FRAS1: variants seen among roughly 807,000 people sequenced by gnomAD.
FRAS1 encodes extracellular matrix organizing protein FRAS1.
In FRAS1, 290 loss-of-function variants were observed where a neutral mutation model predicts 435.2. That is an observed-to-expected ratio of 0.67 (90% confidence interval 0.61 to 0.73). The LOEUF (loss-of-function observed/expected upper bound fraction) is 0.73, where lower values mean the gene tolerates loss of function less well. Ranked by LOEUF, FRAS1 falls within the 30% of genes least tolerant of loss-of-function variation. FRAS1 has a pLI of 0.00. For missense variants in FRAS1, 4,860 were observed against 5,001.5 expected (o/e 0.97, Z 0.85); for synonymous variants, 1,800 against 1,851.0 (o/e 0.97, Z 0.71).
chr4:78,270,491 G>T (rs1726610696), intron 9 of FRAS1, among the ~76,000 whole-genome samples: 1 of 151,998 alleles, frequency 6.6e-6, no homozygotes, highest in Admixed American at 6.6e-5. Context: ...TTTGCTATAA[G>T]CTTTAATTTC....
rs373573150 is a variant in FRAS1 at position 78,445,527 on chromosome 4, C to T, written c.5671C>T (p.Arg1891Cys). 171 of 1,561,768 alleles carry T rather than the reference C, an allele frequency of 1.1e-4. 1 individual carries two copies. The highest frequency in any genetic ancestry group is 1.4e-4 in the South Asian group (11 of 80,584). Residue 1891 changes from arginine (R) to cysteine (C), a missense_variant, in exon 42 of 74, where the codon CGT becomes TGT. Physicochemically the swap from Arg to Cys is radical, Grantham distance 180. Transcript: ENST00000512123. ...CTCTCTTGATGTTGATGCAGGTGAT[C>T]GTTTTGGCCCTGAAACTGCCAGTGA... The part of the protein sequence containing the change: ...GCIENTGTGD[R>C]FGPETASDLE...
intron 14 of FRAS1, among the ~76,000 whole-genome samples, chr4:78,304,085 A>G (rs1728570665): frequency 6.6e-6 from 1 of 150,476 alleles, no homozygotes; most frequent in Admixed American, 6.6e-5. Context: ...AATTTTGTCA[A>G]AGGCCTTTTC....
rs1421127537 is a variant in FRAS1 at position 78,478,047 on chromosome 4, C to A, written c.8084C>A (p.Pro2695His). 2 of 1,566,858 alleles carry A rather than the reference C, an allele frequency of 1.3e-6. No homozygotes were observed. The highest frequency in any genetic ancestry group is 1.4e-5 in the African/African-American group (1 of 73,960). ...GAGAGCGCTGGTTTTCTGTTTGCACCTATTGAAAGAAAAGGTCTGTTGGTT... is the reference window on the plus strand; with the variant it reads ...GAGAGCGCTGGTTTTCTGTTTGCACATATTGAAAGAAAAGGTCTGTTGGTT... ...VNESAGFLFA[P>H]IERKGDASSI... is the part of the protein sequence containing the mutation. Residue 2695 changes from proline to histidine, a missense_variant, in exon 55 of 74, where the codon CCT becomes CAT. By Grantham distance (77) the Pro-to-His change is moderately conservative. Coordinates refer to ENST00000512123, the MANE Select transcript of FRAS1 (RefSeq NM_025074.7).
At chr4:78,192,537 T>C (rs913002899) in intron 2 of FRAS1, among the ~76,000 whole-genome samples, 3 of 152,236 alleles carry the variant, frequency 2.0e-5, no homozygotes, top group Admixed American at 2.0e-4. Flanking sequence ...CCATTTCCTC[T>C]AGATTTTCTA....
chr4:78,484,771 A>G (rs1188386540), intron 58 of FRAS1, among the ~76,000 whole-genome samples: 2 of 152,156 alleles, frequency 1.3e-5, no homozygotes, highest in Non-Finnish European at 2.9e-5. Context: ...TTTAGTGGAT[A>G]AGGAAACTGA....
intron 2 of FRAS1, among the ~76,000 whole-genome samples, chr4:78,234,955 G>A (rs1005203967): frequency 1.4e-4 from 21 of 152,194 alleles, no homozygotes; most frequent in African/African-American, 3.9e-4. Flanking sequence ...TAAGACAGAG[G>A]CAGAGAGATT....
intron 30 of FRAS1, 32 bp from the exon 31 acceptor site, chr4:78,407,631 C>G (rs776760680): frequency 6.5e-7 from 1 of 1,545,872 alleles, no homozygotes; most frequent in South Asian, 1.3e-5. Flanking sequence ...TCCTAGGGAC[C>G]CTCACTAACT....
At chr4:78,225,743 G>T in intron 2 of FRAS1, among the ~76,000 whole-genome samples, 1 of 152,044 alleles carries the variant, frequency 6.6e-6, no homozygotes, top group East Asian at 1.9e-4. Flanking sequence ...TATTTTGAAT[G>T]AGGCATAAAT....
At chr4:78,302,729 T>C (rs916035349) in intron 14 of FRAS1, among the ~76,000 whole-genome samples, 2 of 152,354 alleles carry the variant, frequency 1.3e-5, no homozygotes, top group East Asian at 1.9e-4. Context: ...GTAAATTTGT[T>C]TGAGTTCATT....
At chr4:78,520,228 A>G (rs1013452978) in intron 67 of FRAS1, among the ~76,000 whole-genome samples, 73 of 147,752 alleles carry the variant, frequency 4.9e-4, no homozygotes, top group Admixed American at 1.1e-3. Flanking sequence ...GTTCTCTCCA[A>G]TCGTTCTTGG....
chr4:78,392,017 C>T (rs1164114080), intron 29 of FRAS1, among the ~76,000 whole-genome samples: 4 of 152,142 alleles, frequency 2.6e-5, no homozygotes, highest in Non-Finnish European at 5.9e-5. Context: ...TTGTTCAATT[C>T]AGTATCTCAT....
intron 2 of FRAS1, among the ~76,000 whole-genome samples, chr4:78,201,472 T>C (rs913509166): frequency 2.0e-5 from 3 of 152,280 alleles, no homozygotes; most frequent in East Asian, 1.9e-4. Context: ...AAGAAACCCA[T>C]GGGTCATGCC....
Position 78,432,596 on chromosome 4 carries a change from G to A in FRAS1, c.5209G>A (p.Ala1737Thr). 6.4e-7 allele frequency: 1 copy of A among 1,574,518 alleles called. No individual in the cohort carries two copies. The change falls in exon 38 of 74, where the codon GCT becomes ACT. Residue 1737 changes from alanine to threonine, a missense_variant. By Grantham distance (58) the Ala-to-Thr change is moderately conservative. Coordinates refer to ENST00000512123, the MANE Select transcript of FRAS1 (RefSeq NM_025074.7). Reference sequence around the variant, plus strand: ...AGCCATAATCACTAGGTCACACCTTGCTTACGTGGTAAGTTCTTCCATTTG... The same window carrying A: ...AGCCATAATCACTAGGTCACACCTTACTTACGTGGTAAGTTCTTCCATTTG... ...STAIITRSHL[A>T]YVDDSSPDPE... is the part of the protein sequence containing the mutation.
At chr4:78,162,090 A>C (rs937335096) in intron 2 of FRAS1, among the ~76,000 whole-genome samples, 1 of 152,160 alleles carries the variant, frequency 6.6e-6, no homozygotes, top group African/African-American at 2.4e-5. Context: ...AATGTTATGC[A>C]AACTGCTAAT....
chr4:78,241,168 C>T (rs1393727648), intron 3 of FRAS1, among the ~76,000 whole-genome samples: 1 of 152,130 alleles, frequency 6.6e-6, no homozygotes, highest in African/African-American at 2.4e-5. Flanking sequence ...GAAGTGGGGC[C>T]TTAGGTAGGC....
At chr4:78,266,504 G>T (rs1726363607) in intron 7 of FRAS1, among the ~76,000 whole-genome samples, 1 of 152,208 alleles carries the variant, frequency 6.6e-6, no homozygotes, top group Non-Finnish European at 1.5e-5. Flanking sequence ...CCTGGCAAAG[G>T]CAAGAGCTAA....
At chr4:78,443,829 T>C (rs1718673519) in intron 41 of FRAS1, among the ~76,000 whole-genome samples, 1 of 152,248 alleles carries the variant, frequency 6.6e-6, no homozygotes, top group South Asian at 2.1e-4. Context: ...TGTATATTTT[T>C]AGGCATCATT....
intron 64 of FRAS1, among the ~76,000 whole-genome samples, chr4:78,513,074 C>T (rs1721088224): frequency 6.6e-6 from 1 of 152,140 alleles, no homozygotes; most frequent in Non-Finnish European, 1.5e-5. Context: ...CCTGAAATAA[C>T]AGAGTTTCCA....
chr4:78,492,128 C>T (rs1720369712), intron 59 of FRAS1, among the ~76,000 whole-genome samples: 1 of 152,126 alleles, frequency 6.6e-6, no homozygotes, highest in African/African-American at 2.4e-5. Context: ...AACTACAAAC[C>T]ACTGCTCAAG....
Sources: gnomAD v4.1 joint callset for allele counts (sites outside exome capture counted in the v4.1 genomes callset) on GRCh38, gnomAD v4.1.1 for gene constraint, MANE v1.5 for transcripts, NCBI Gene and HGNC (gene_info 2026-07-23, HGNC 2026-07-21) for gene names.